The following RUNDC3B variants were observed in gnomAD, a reference collection of about 807,000 sequenced individuals.
The protein encoded by RUNDC3B is RUN domain-containing protein 3B.
In RUNDC3B, 33 loss-of-function variants were observed where a neutral mutation model predicts 58.4. The observed-to-expected ratio is 0.56, with a 90% confidence interval of 0.43 to 0.75. The LOEUF is 0.75. Ranked by LOEUF, RUNDC3B falls within the 30% of genes least tolerant of loss-of-function variation. The pLI, the probability that RUNDC3B is intolerant of heterozygous loss-of-function variation, is 0.00. For missense variants in RUNDC3B, 501 were observed against 535.7 expected, an observed-to-expected ratio of 0.94 and a Z score of 0.64; for synonymous variants, 193 against 195.2, an observed-to-expected ratio of 0.99 and a Z score of 0.10.
chr7:87,633,789 TTGG>T (rs1821465000), intron 1 of RUNDC3B, among the ~76,000 whole-genome samples: 1 of 152,168 alleles, frequency 6.6e-6, no homozygotes, highest in African/African-American at 2.4e-5. Flanking sequence ...ATGCTTGAAC[TTGG>T]TGGGAGAAAT....
chr7:87,760,394 G>A (rs1833610924), intron 6 of RUNDC3B, among the ~76,000 whole-genome samples: 3 of 152,044 alleles, frequency 2.0e-5, no homozygotes, highest in African/African-American at 7.2e-5. Flanking sequence ...TTCTTAAGAT[G>A]GCAATACTTC....
intron 1 of RUNDC3B, 93 bp from the exon 2 acceptor site, chr7:87,650,729 C>T: frequency 8.2e-6 from 6 of 733,108 alleles, no homozygotes; most frequent in Non-Finnish European, 1.5e-5. Context: ...AATATTTTTA[C>T]AACTCTTCCC....
intron 6 of RUNDC3B, among the ~76,000 whole-genome samples, chr7:87,759,190 A>C (rs1257048391): frequency 6.6e-6 from 1 of 152,170 alleles, no homozygotes; most frequent in Non-Finnish European, 1.5e-5. Context: ...AACAACATGG[A>C]TGGGCCTGGA....
chr7:87,646,114 AT>A (rs1391666980), intron 1 of RUNDC3B, among the ~76,000 whole-genome samples: 1 of 152,198 alleles, frequency 6.6e-6, no homozygotes, highest in Non-Finnish European at 1.5e-5. Context: ...GTTTAAAGTA[AT>A]TTAGTGCTCT....
chr7:87,679,249 C>A (rs538905793), intron 2 of RUNDC3B, among the ~76,000 whole-genome samples: 28 of 149,254 alleles, frequency 1.9e-4, no homozygotes, highest in Non-Finnish European at 3.4e-4. Flanking sequence ...CCCGCCACCA[C>A]GCCCGGGTAA....
intron 10 of RUNDC3B, among the ~76,000 whole-genome samples, chr7:87,825,932 A>G (rs1837780505): frequency 6.6e-6 from 1 of 152,152 alleles, no homozygotes; most frequent in Admixed American, 6.5e-5. Flanking sequence ...CCCTCATTGT[A>G]TCTAGGAAGT....
chr7:87,814,770 TA>T (rs1836940086), intron 9 of RUNDC3B, among the ~76,000 whole-genome samples: 1 of 152,184 alleles, frequency 6.6e-6, no homozygotes, highest in Non-Finnish European at 1.5e-5. Flanking sequence ...TTATTTTAAA[TA>T]AGGACTTTAA....
At chr7:87,777,980 T>C in intron 8 of RUNDC3B, 25 bp downstream of exon 8, 1 of 1,591,420 alleles carries the variant, frequency 6.3e-7, no homozygotes, top group South Asian at 1.1e-5. Flanking sequence ...TTTAGAAAAA[T>C]GTTGGTAGCA....
chr7:87,689,220 G>A (rs565232832), intron 2 of RUNDC3B, among the ~76,000 whole-genome samples: 40 of 152,092 alleles, frequency 2.6e-4, no homozygotes, highest in African/African-American at 9.1e-4. Flanking sequence ...TTAAAGAAAT[G>A]TTTTAGTCTA....
intron 1 of RUNDC3B, among the ~76,000 whole-genome samples, chr7:87,637,119 A>G (rs1026890366): frequency 1.3e-5 from 2 of 152,126 alleles, no homozygotes; most frequent in African/African-American, 4.8e-5. Flanking sequence ...CCCTCCCATG[A>G]TATGTGGGGA....
At chr7:87,761,174 A>ATC (rs1833658135) in intron 6 of RUNDC3B, among the ~76,000 whole-genome samples, 1 of 151,986 alleles carries the variant, frequency 6.6e-6, no homozygotes, top group Admixed American at 6.6e-5. Flanking sequence ...AAGGACTTAA[A>ATC]TAAACATTTC....
At chr7:87,766,048 C>T (rs1833959684) in intron 6 of RUNDC3B, among the ~76,000 whole-genome samples, 1 of 152,000 alleles carries the variant, frequency 6.6e-6, no homozygotes, top group Admixed American at 6.6e-5. Context: ...TATATAATGA[C>T]CTTCCTTGTC....
chr7:87,655,190 C>T (rs1009970015), intron 2 of RUNDC3B, among the ~76,000 whole-genome samples: 1 of 151,954 alleles, frequency 6.6e-6, no homozygotes, highest in African/African-American at 2.4e-5. Flanking sequence ...AAAATAGAAC[C>T]TCCATGTAAA....
intron 2 of RUNDC3B, among the ~76,000 whole-genome samples, chr7:87,685,412 C>A (rs1827357437): frequency 6.6e-6 from 1 of 152,092 alleles, no homozygotes. Flanking sequence ...TTATCAAGCT[C>A]TTTTGTCAAA....
chr7:87,752,521 G>T (rs1283336139), intron 6 of RUNDC3B, among the ~76,000 whole-genome samples: 1 of 152,048 alleles, frequency 6.6e-6, no homozygotes, highest in Non-Finnish European at 1.5e-5. Context: ...CTTTTTGGTT[G>T]GTAAGCTATT....
intron 2 of RUNDC3B, among the ~76,000 whole-genome samples, chr7:87,664,480 A>G (rs1825034145): frequency 6.6e-6 from 1 of 152,222 alleles, no homozygotes. Context: ...AAAGACATCA[A>G]AGCAGCCATT....
At chr7:87,726,900 G>C (rs1476186396) in intron 4 of RUNDC3B, among the ~76,000 whole-genome samples, 1 of 152,040 alleles carries the variant, frequency 6.6e-6, no homozygotes, top group Non-Finnish European at 1.5e-5. Flanking sequence ...TCTGTTATTG[G>C]TGTATAAGAA....
At chr7:87,720,522 T>A (rs1218952158) in intron 4 of RUNDC3B, among the ~76,000 whole-genome samples, 1 of 149,274 alleles carries the variant, frequency 6.7e-6, no homozygotes, top group Admixed American at 6.8e-5. Flanking sequence ...TATCACAAAT[T>A]TAAGCAGAAG....
chr7:87,720,455 A>G (rs2130773157), intron 4 of RUNDC3B, among the ~76,000 whole-genome samples: 1 of 152,212 alleles, frequency 6.6e-6, no homozygotes, highest in South Asian at 2.1e-4. Context: ...CAAAAAATCT[A>G]CATAGTAACT....
Sources: gnomAD v4.1 joint callset for allele counts (sites outside exome capture counted in the v4.1 genomes callset) on GRCh38, gnomAD v4.1.1 for gene constraint, MANE v1.5 for transcripts, NCBI Gene and HGNC (gene_info 2026-07-23, HGNC 2026-07-21) for gene names.